The following RRAS variants were observed in gnomAD, a reference collection of about 807,000 sequenced individuals.
The protein encoded by RRAS is RAS related.
In RRAS, 18 loss-of-function variants were observed where a neutral mutation model predicts 23.3. The ratio of observed to expected loss-of-function variants is 0.77; its 90% CI spans 0.53 to 1.15. The LOEUF (loss-of-function observed/expected upper bound fraction) is 1.15, where lower values mean the gene tolerates loss of function less well. RRAS is among the 50% of genes most tolerant of loss of function. The probability of loss-of-function intolerance (pLI) is 0.00; values close to 1 mark genes in which losing one functional copy is unlikely to be tolerated. For missense variants in RRAS, 291 were observed against 317.1 expected, an observed-to-expected ratio of 0.92 and a Z score of 0.62; for synonymous variants, 133 against 138.3, an observed-to-expected ratio of 0.96 and a Z score of 0.27.
At chr19:49,637,018 C>T in intron 2 of RRAS, 25 bp downstream of exon 2, 1 of 1,609,508 alleles carries the variant, frequency 6.2e-7, no homozygotes, top group Non-Finnish European at 8.5e-7. Flanking sequence ...CACCCCCATC[C>T]ATCATCCATC....
intron 1 of RRAS, among the ~76,000 whole-genome samples, 179 bp downstream of exon 1, chr19:49,639,767 G>A (rs986201013): frequency 6.6e-6 from 1 of 152,136 alleles, no homozygotes; most frequent in Non-Finnish European, 1.5e-5. Flanking sequence ...AGGGTCCCCC[G>A]TGCAGGGGAT....
chr19:49,635,606 C>A lies in RRAS; in HGVS notation c.627G>T (p.Lys209Asn), dbSNP rs771557284. Reference protein sequence around the residue: ...PPSPPSAPRKKGGGCPCVLL With the variant: ...PPSPPSAPRKNGGGCPCVLL ...GGAGGACGCAGGGGCAGCCCCCGCC[C>A]TTCTTCCTGGGGGCACTGGGAGGGC... Residue 209 changes from lysine (K) to asparagine (N), a missense_variant, in exon 6 of 6, where the codon AAG (lysine) becomes AAT (asparagine). Coordinates refer to ENST00000246792, the MANE Select transcript of RRAS (RefSeq NM_006270.5). The A allele has an allele frequency of 5.6e-6, 8 of 1,438,810 alleles. No individual in the cohort carries two copies. In the Admixed American group the frequency reaches 1.2e-4, roughly 22 times the overall value. 89.1% of individuals were successfully genotyped at this position (1,438,810 alleles called of 1,614,324 possible). A position where few individuals can be genotyped will look rare whatever the true frequency, so the allele number is the denominator to read the frequency against.
At position 49,636,721 on chromosome 19, in the gene RRAS, G is replaced by C; in HGVS notation, c.351C>G (p.Asn117Lys). The change falls in exon 4 of 6, where the codon AAC becomes AAG. Residue 117 changes from asparagine (N) to lysine (K), a missense_variant. Physicochemically the swap from Asn to Lys is moderately conservative, Grantham distance 94. Coordinates refer to ENST00000246792, the MANE Select transcript of RRAS (RefSeq NM_006270.5). This position sits in a 1 kb window ranked among gnomAD's most constrained non-coding sequence, Gnocchi z 4.5. Reference protein sequence around the residue: ...VFAINDRQSFNEVGKLFTQIL... With the variant: ...VFAINDRQSFKEVGKLFTQIL... ...TCTGCGTGAAGAGCTTGCCCACCTC[G>C]TTGAAACTGCGAGTGAAGCCGGAGG... 6.2e-7 allele frequency: 1 copy of C among 1,613,918 alleles called. No homozygotes were observed. The highest frequency in any genetic ancestry group is 2.2e-5 in the East Asian group (1 of 44,884).
rs748812458 is a variant in RRAS at position 49,636,973 on chromosome 19, A to T, written c.242-47T>A. Reference sequence around the variant, plus strand: ...CCATCGTGGGGACCAGGCTCCCCGCAGTCACCCCCAAGAGCCCTCAGCCCC... The same window carrying T: ...CCATCGTGGGGACCAGGCTCCCCGCTGTCACCCCCAAGAGCCCTCAGCCCC... On this transcript the variant is annotated intron_variant, in intron 2 of 5. Transcript: ENST00000246792. The surrounding 1 kb of genome is among the most constrained non-coding windows in gnomAD (Gnocchi z 4.5). The T allele has an allele frequency of 6.2e-7, 1 of 1,606,942 alleles. No individual in the cohort carries two copies. Among genetic ancestry groups the T allele is most frequent in the East Asian group, 2.2e-5 (1 of 44,846 alleles).
intron 4 of RRAS, 99 bp from the exon 5 acceptor site, chr19:49,635,951 C>A (rs1169407560): frequency 3.4e-6 from 2 of 583,252 alleles, no homozygotes; most frequent in East Asian, 3.0e-5. Context: ...GGAGAGGTGA[C>A]CCACTGTGAG....
Position 49,640,115 on chromosome 19 carries a change from C to T in RRAS, c.-17G>A. The stretch of plus-strand genomic sequence containing the variant: ...GCTGCTCATGTCGCCACCGCTGCTG[C>T]TGCCTTCGCTACCGCCTGCGGGGGA... On this transcript the variant is annotated 5_prime_UTR_variant, in exon 1 of 6. Coordinates refer to ENST00000246792, the MANE Select transcript of RRAS (RefSeq NM_006270.5). The T allele has an allele frequency of 7.3e-7, 1 of 1,369,896 alleles. No homozygotes were observed. The highest frequency in any genetic ancestry group is 9.3e-7 in the Non-Finnish European group (1 of 1,072,338). 84.9% of individuals were successfully genotyped at this position (1,369,896 alleles called of 1,614,324 possible). A position where few individuals can be genotyped will look rare whatever the true frequency, so the allele number is the denominator to read the frequency against.
chr19:49,635,867 GACAC>G lies in RRAS; in HGVS notation c.454-19_454-16del. The G allele has an allele frequency of 1.8e-6, 1 of 547,842 alleles. No homozygotes were observed. Among genetic ancestry groups the G allele is most frequent in the Non-Finnish European group, 3.4e-6 (1 of 293,098 alleles). The allele number at this position is 547,842 out of a possible 1,614,324, so 33.9% of individuals were successfully genotyped here. ...GATCGGGGGACCTGGGGGTAGGGGG[GACAC>G]GGGGGAGTCAGGTCCCTGCACTCAG... On this transcript the variant is annotated splice_polypyrimidine_tract_variant and intron_variant, in intron 4 of 5. Transcript: ENST00000246792.
intron 1 of RRAS, among the ~76,000 whole-genome samples, chr19:49,639,474 G>C (rs2081012337): frequency 6.6e-6 from 1 of 151,684 alleles, no homozygotes; most frequent in South Asian, 2.1e-4. Context: ...AATCGAACGT[G>C]GTGGAATCTC....
Position 49,636,583 on chromosome 19 carries a change from T to G in RRAS, c.453+36A>C. 157 of 1,458,068 alleles carry G rather than the reference T, an allele frequency of 1.1e-4. No individual in the cohort carries two copies. Among genetic ancestry groups the G allele is most frequent in the Middle Eastern group, 1.7e-4 (1 of 5,756 alleles). The allele number at this position is 1,458,068 out of a possible 1,614,324, so 90.3% of individuals were successfully genotyped here. The stretch of plus-strand genomic sequence containing the variant: ...GTGTGCTGGAAGGAGCCTCCCAGAC[T>G]GAGATGGGGTCCCCAGAAAGAGGGG... On this transcript the variant is annotated intron_variant, in intron 4 of 5. Transcript: ENST00000246792. This position sits in a 1 kb window ranked among gnomAD's most constrained non-coding sequence, Gnocchi z 4.5.
rs1401522072 is a variant in RRAS, at chr19:49,635,860, T to C, written c.454-8A>G. ...GGCTTCTGATCGGGGGACCTGGGGG[T>C]AGGGGGGACACGGGGGAGTCAGGTC... On this transcript the variant is annotated splice_polypyrimidine_tract_variant and splice_region_variant and intron_variant, in intron 4 of 5. Coordinates refer to ENST00000246792, the MANE Select transcript of RRAS (RefSeq NM_006270.5). The C allele has an allele frequency of 1.7e-6, 2 of 1,209,516 alleles. No homozygotes were observed. The highest frequency in any genetic ancestry group is 1.9e-5 in the African/African-American group (1 of 53,302). 74.9% of individuals were successfully genotyped at this position (1,209,516 alleles called of 1,614,324 possible).
Position 49,635,575 on chromosome 19 carries a change from G to C in RRAS, c.*1C>G. ...TGGTGGTTGCTTCTCTCTTGCCTGG[G>C]CTACAGGAGGACGCAGGGGCAGCCC... On this transcript the variant is annotated 3_prime_UTR_variant, in exon 6 of 6. Transcript: ENST00000246792. 7.0e-7 allele frequency: 1 copy of C among 1,437,140 alleles called. No individual in the cohort carries two copies. Among genetic ancestry groups the C allele is most frequent in the Non-Finnish European group, 9.2e-7 (1 of 1,086,498 alleles). The allele number at this position is 1,437,140 out of a possible 1,614,324, so 89.0% of individuals were successfully genotyped here.
intron 1 of RRAS, among the ~76,000 whole-genome samples, chr19:49,638,031 A>C (rs1399639748): frequency 6.6e-6 from 1 of 152,132 alleles, no homozygotes; most frequent in Admixed American, 6.5e-5. Flanking sequence ...GTTGTTGTCC[A>C]GACTGCCTGT....
In RRAS at chr19:49,636,710, T is replaced by C. The variant is rs138124318; in HGVS notation, c.362A>G (p.Lys121Arg). The C allele has an allele frequency of 2.2e-4, 361 of 1,614,084 alleles. 1 individual carries two copies. The African/African-American group carries it at 4.6e-3, about 21-fold the overall frequency. Reference protein sequence around the residue: ...NDRQSFNEVGKLFTQILRVKD... With the variant: ...NDRQSFNEVGRLFTQILRVKD... ...GACCCGCAGAATCTGCGTGAAGAGC[T>C]TGCCCACCTCGTTGAAACTGCGAGT... is the stretch of plus-strand genomic sequence containing the variant. Residue 121 changes from lysine to arginine, a missense_variant, in exon 4 of 6, where the codon AAG becomes AGG. By Grantham distance (26) the Lys-to-Arg change is conservative. Coordinates refer to ENST00000246792, the MANE Select transcript of RRAS (RefSeq NM_006270.5). The surrounding 1 kb of genome is among the most constrained non-coding windows in gnomAD (Gnocchi z 4.5).
chr19:49,636,910 G>T lies in RRAS; in HGVS notation c.258C>A (p.Gly86=). 6.2e-7 allele frequency: 1 copy of T among 1,613,294 alleles called. No individual in the cohort carries two copies. ...PARLDILDTA[G]QEEFGAMREQ... is the part of the protein sequence containing the mutation. ...CTCTCATGGCCCCGAACTCTTCCTG[G>T]CCCGCGGTGTCCAGGACTGCAGAGA... The change falls in exon 3 of 6, where the codon GGC becomes GGA. Residue 86 remains glycine (G), a synonymous_variant. Coordinates refer to ENST00000246792, the MANE Select transcript of RRAS (RefSeq NM_006270.5). The surrounding 1 kb of genome is among the most constrained non-coding windows in gnomAD (Gnocchi z 4.5).
rs2080994896 is a variant in RRAS at position 49,636,059 on chromosome 19, T to C, written c.454-207A>G. Among the ~76,000 whole-genome samples, 1 of 152,168 alleles carries C rather than the reference T, an allele frequency of 6.6e-6. No homozygotes were observed. The highest frequency in any genetic ancestry group is 1.5e-5 in the Non-Finnish European group (1 of 68,026). ...GGATGGGGGCAGGCTTCGTGGGCAC[T>C]TGCCCTGCTATGCCTTAGATAACCA... On this transcript the variant is annotated intron_variant, in intron 4 of 5. Coordinates refer to ENST00000246792, the MANE Select transcript of RRAS (RefSeq NM_006270.5). This position sits in a 1 kb window ranked among gnomAD's most constrained non-coding sequence, Gnocchi z 4.5.
Position 49,635,485 on chromosome 19 carries a change from T to G in RRAS, c.*91A>C. 1 of 754,958 alleles carries G rather than the reference T, an allele frequency of 1.3e-6. No individual in the cohort carries two copies. The highest frequency in any genetic ancestry group is 2.0e-6 in the Non-Finnish European group (1 of 503,046). The allele number at this position is 754,958 out of a possible 1,614,324, so 46.8% of individuals were successfully genotyped here. A position where few individuals can be genotyped will look rare whatever the true frequency, so the allele number is the denominator to read the frequency against. Reference sequence around the variant, plus strand: ...GTCCTGGGAGACCCAGATGAGGAAATTGAGGCTCAGTGAGGGCCTCAGGTC... The same window carrying G: ...GTCCTGGGAGACCCAGATGAGGAAAGTGAGGCTCAGTGAGGGCCTCAGGTC... On this transcript the variant is annotated 3_prime_UTR_variant, in exon 6 of 6. Coordinates refer to ENST00000246792, the MANE Select transcript of RRAS (RefSeq NM_006270.5).
chr19:49,638,743 G>C (rs1179723380), intron 1 of RRAS, among the ~76,000 whole-genome samples: 3 of 152,126 alleles, frequency 2.0e-5, no homozygotes, highest in Admixed American at 6.5e-5. Context: ...TAGAAACATT[G>C]AGTTCATTTA....
At chr19:49,639,884 G>C in intron 1 of RRAS, 62 bp downstream of exon 1, 1 of 1,439,658 alleles carries the variant, frequency 6.9e-7, no homozygotes, top group Admixed American at 2.2e-5. Flanking sequence ...GGGTCTCGGG[G>C]ATCCCCCCAA....
chr19:49,638,916 G>A (rs1160337764), intron 1 of RRAS, among the ~76,000 whole-genome samples: 1 of 151,988 alleles, frequency 6.6e-6, no homozygotes, highest in Non-Finnish European at 1.5e-5. Flanking sequence ...GTTTTCCTTG[G>A]GGGTGGGGTG....
Sources: allele counts gnomAD v4.1 joint callset (sites outside exome capture counted in the v4.1 genomes callset), GRCh38; gene constraint gnomAD v4.1.1; non-coding constraint Gnocchi (gnomAD v3.1); transcripts MANE v1.5; gene names NCBI Gene and HGNC (gene_info 2026-07-23, HGNC 2026-07-21).